The following NRL variants were observed in gnomAD, a reference collection of about 807,000 sequenced individuals.
NRL encodes the protein neural retina leucine zipper.
A neutral mutation model predicts 12.5 loss-of-function variants in NRL; 16 were observed. That is an observed-to-expected ratio of 1.28 (90% CI 0.87 to 1.95). The LOEUF (loss-of-function observed/expected upper bound fraction) is 1.95. Among genes scored for constraint, NRL ranks in the 30% most tolerant of loss-of-function variants. NRL has a pLI of 0.00. For missense variants in NRL, 314 were observed against 325.8 expected (o/e 0.96, Z 0.28); for synonymous variants, 142 against 150.9 (o/e 0.94, Z 0.43).
At chr14:24,091,639 G>C (rs1470872483) in intron 1 of NRL, among the ~76,000 whole-genome samples, 2 of 152,020 alleles carry the variant, frequency 1.3e-5, no homozygotes, top group African/African-American at 2.4e-5. Flanking sequence ...TTGGTAATTA[G>C]AGTCAGAAAG....
chr14:24,099,492 C>T, intron 1 of NRL: 1 of 1,444,696 alleles, frequency 6.9e-7, no homozygotes, highest in Non-Finnish European at 9.4e-7. Flanking sequence ...AGCTGCCCTT[C>T]CCCATGCAGA....
chr14:24,085,253 T>C lies in NRL; in HGVS notation c.-27-2378A>G, dbSNP rs2036436288. On this transcript the variant is annotated intron_variant, in intron 1 of 2. Transcript: ENST00000561028. The surrounding 1 kb of genome is among the most constrained non-coding windows in gnomAD (Gnocchi z 4.1). ...TGCTAATCCAGCTTGGGAGAAAGAGTAGGAAAAAAGAGAACAGGGAACTCT... is the reference window on the plus strand; with the variant it reads ...TGCTAATCCAGCTTGGGAGAAAGAGCAGGAAAAAAGAGAACAGGGAACTCT... Among the ~76,000 whole-genome samples, 1 of 152,026 alleles carries C rather than the reference T, an allele frequency of 6.6e-6. No homozygotes were observed. The highest frequency in any genetic ancestry group is 2.4e-5 in the African/African-American group (1 of 41,378).
chr14:24,081,079 T>A lies in NRL; in HGVS notation c.*157A>T. 1 of 453,052 alleles carries A rather than the reference T, an allele frequency of 2.2e-6. No homozygotes were observed. Among genetic ancestry groups the A allele is most frequent in the Admixed American group, 4.4e-5 (1 of 22,594 alleles). The allele number at this position is 453,052 out of a possible 1,614,324, so 28.1% of individuals were successfully genotyped here. ...ACCAGCATCTAAATTCGGGCATGAC[T>A]TGAGGACCCAAAAGCTTTGGGGATA... On this transcript the variant is annotated 3_prime_UTR_variant, in exon 3 of 3. Coordinates refer to ENST00000561028, the MANE Select transcript of NRL (RefSeq NM_001354768.3). The surrounding 1 kb of genome is among the most constrained non-coding windows in gnomAD (Gnocchi z 4.4).
chr14:24,104,496 G>A (rs943444019), intron 1 of NRL, among the ~76,000 whole-genome samples: 7 of 151,640 alleles, frequency 4.6e-5, no homozygotes, highest in South Asian at 2.1e-4. Context: ...AAAATTAACC[G>A]GGAGTGGTGG....
At chr14:24,108,909 G>T (rs2138992584) in intron 1 of NRL, among the ~76,000 whole-genome samples, 2 of 152,180 alleles carry the variant, frequency 1.3e-5, no homozygotes, top group East Asian at 3.9e-4. Flanking sequence ...ACCAAGCTGG[G>T]AGCTGCAGTA....
intron 1 of NRL, chr14:24,084,480 TGAGCGGCCTGA>T (rs1233296534): frequency 2.2e-6 from 2 of 925,648 alleles, no homozygotes; most frequent in African/African-American, 3.6e-5. Context: ...GGGTTCTAGG[TGAGCGGCCTGA>T]CACCCAGGTA....
intron 1 of NRL, among the ~76,000 whole-genome samples, chr14:24,086,205 C>G (rs1310373361): frequency 1.3e-5 from 2 of 151,978 alleles, no homozygotes; most frequent in South Asian, 4.1e-4. Flanking sequence ...CAGAGAGAGA[C>G]TCCATCTCAA....
intron 1 of NRL, among the ~76,000 whole-genome samples, chr14:24,097,456 T>A (rs552903435): frequency 6.6e-6 from 1 of 150,930 alleles, no homozygotes; most frequent in South Asian, 2.1e-4. Context: ...CCCAGCTACT[T>A]GGGAGGGTGA....
At chr14:24,092,342 A>G (rs994492742) in intron 1 of NRL, among the ~76,000 whole-genome samples, 3 of 152,220 alleles carry the variant, frequency 2.0e-5, no homozygotes, top group Admixed American at 6.5e-5. Flanking sequence ...GAGAAGTACA[A>G]TTCCAAAGGT....
intron 1 of NRL, among the ~76,000 whole-genome samples, chr14:24,111,522 T>G (rs2138997226): frequency 6.6e-6 from 1 of 150,450 alleles, no homozygotes; most frequent in East Asian, 2.0e-4. Context: ...TACAAGCGCA[T>G]GCCACCACAC....
intron 1 of NRL, chr14:24,110,447 A>G: frequency 4.6e-6 from 1 of 217,112 alleles, no homozygotes; most frequent in Non-Finnish European, 1.0e-5. Flanking sequence ...TCGTTTTTGC[A>G]TCTATTACAT....
intron 1 of NRL, among the ~76,000 whole-genome samples, chr14:24,090,635 A>C (rs1283261884): frequency 6.6e-6 from 1 of 152,070 alleles, no homozygotes; most frequent in Non-Finnish European, 1.5e-5. Context: ...CAGCATCACT[A>C]CTCGGGCTGT....
chr14:24,081,875 C>G lies in NRL; in HGVS notation c.382-307G>C. The G allele has an allele frequency of 7.4e-7, 1 of 1,352,236 alleles. No homozygotes were observed. The highest frequency in any genetic ancestry group is 9.5e-7 in the Non-Finnish European group (1 of 1,047,692). 83.8% of individuals were successfully genotyped at this position (1,352,236 alleles called of 1,614,324 possible). ...CGTCTCTGGGATCCCCGGCATCCAG[C>G]TCCAGGCCCGGGTGTGTCCAGTGGA... is the stretch of plus-strand genomic sequence containing the variant. On this transcript the variant is annotated intron_variant, in intron 2 of 2. Transcript: ENST00000561028. The surrounding 1 kb of genome is among the most constrained non-coding windows in gnomAD (Gnocchi z 4.4).
chr14:24,094,816 TCGAGAG>T lies in NRL; in HGVS notation c.-27-11947_-27-11942del. On this transcript the variant is annotated intron_variant, in intron 1 of 2. Transcript: ENST00000561028. The surrounding 1 kb of genome is among the most constrained non-coding windows in gnomAD (Gnocchi z 4.1). ...CTCTCAGCCAGCGCCCCAGGGTACTTCGAGAGGCAGCAGGGCCCTGGGGACAAGGGT... is the reference window on the plus strand; with the variant it reads ...CTCTCAGCCAGCGCCCCAGGGTACTTGCAGCAGGGCCCTGGGGACAAGGGT... 7.5e-7 allele frequency: 1 copy of T among 1,335,510 alleles called. No individual in the cohort carries two copies. Among genetic ancestry groups the T allele is most frequent in the Non-Finnish European group, 9.8e-7 (1 of 1,019,280 alleles). The allele number at this position is 1,335,510 out of a possible 1,614,324, so 82.7% of individuals were successfully genotyped here.
At chr14:24,110,158 C>T (rs1470289926) in intron 1 of NRL, 1 of 155,684 alleles carries the variant, frequency 6.4e-6, no homozygotes, top group African/African-American at 2.4e-5. Flanking sequence ...TCATTCTCGC[C>T]CAGGCTGGAT....
intron 1 of NRL, chr14:24,103,841 G>C: frequency 6.2e-7 from 1 of 1,614,122 alleles, no homozygotes; most frequent in Non-Finnish European, 8.5e-7. Flanking sequence ...CCCTCCCCAA[G>C]GACTTCTGGG....
chr14:24,104,050 A>G (rs1173941131), intron 1 of NRL: 15 of 852,856 alleles, frequency 1.8e-5, no homozygotes, highest in Non-Finnish European at 2.5e-5. Flanking sequence ...GCAATTTGAT[A>G]TTAACTAACA....
Position 24,080,594 on chromosome 14 carries a change from G to A in NRL, c.*642C>T, listed in dbSNP as rs1472039829. The A allele has an allele frequency of 6.5e-6, 1 of 152,676 alleles. No individual in the cohort carries two copies. The highest frequency in any genetic ancestry group is 1.5e-5 in the Non-Finnish European group (1 of 68,068). 9.5% of individuals were successfully genotyped at this position (152,676 alleles called of 1,614,324 possible). On this transcript the variant is annotated 3_prime_UTR_variant, in exon 3 of 3. Transcript: ENST00000561028. ...GGTGACAGGGGGATCCCATGGAAGA[G>A]CTGGGACTAGGACCCAGGTTTCCAG... is the stretch of plus-strand genomic sequence containing the variant.
At chr14:24,089,537 A>G (rs1234968652) in intron 1 of NRL, among the ~76,000 whole-genome samples, 1 of 152,194 alleles carries the variant, frequency 6.6e-6, no homozygotes, top group African/African-American at 2.4e-5. Flanking sequence ...ATGAGCCACC[A>G]CACCCAGCCC....
Sources: allele counts gnomAD v4.1 joint callset (sites outside exome capture counted in the v4.1 genomes callset), GRCh38; gene constraint gnomAD v4.1.1; non-coding constraint Gnocchi (gnomAD v3.1); transcripts MANE v1.5; gene names NCBI Gene and HGNC (gene_info 2026-07-23, HGNC 2026-07-21).